PAFAH1B1: variants seen among roughly 807,000 people sequenced by gnomAD.
PAFAH1B1 encodes the protein platelet activating factor acetylhydrolase 1b regulatory subunit 1.
In PAFAH1B1, 2 loss-of-function variants were observed where a neutral mutation model predicts 57.5. The observed-to-expected ratio is 0.03, with a 90% CI of 0.01 to 0.11. The LOEUF (loss-of-function observed/expected upper bound fraction) is 0.11. PAFAH1B1 is among the 10% of genes least tolerant of loss of function. The pLI is 1.00. For missense variants in PAFAH1B1, 257 were observed against 512.0 expected, an observed-to-expected ratio of 0.50 and a Z score of 4.81; for synonymous variants, 152 against 169.6, an observed-to-expected ratio of 0.90 and a Z score of 0.81.
chr17:2,650,728 T>C (rs2068838096), intron 2 of PAFAH1B1, among the ~76,000 whole-genome samples: 2 of 152,016 alleles, frequency 1.3e-5, no homozygotes, highest in East Asian at 1.9e-4. Context: ...TATAGAAATA[T>C]TTTCTTTAAA....
chr17:2,658,358 AAAC>A (rs2151651726), intron 2 of PAFAH1B1, among the ~76,000 whole-genome samples: 1 of 152,336 alleles, frequency 6.6e-6, no homozygotes, highest in Admixed American at 6.5e-5. Context: ...TGGAGGCTGA[AAAC>A]AACTGTTTAG....
chr17:2,665,235 T>A (rs2069090758), intron 2 of PAFAH1B1, 137 bp from the exon 3 acceptor site: 1 of 652,760 alleles, frequency 1.5e-6, no homozygotes, highest in Admixed American at 2.5e-5. Context: ...TCCTTTTTAA[T>A]GAAATACTTG....
At chr17:2,594,123 C>T (rs944728228) in intron 1 of PAFAH1B1, 117 bp downstream of exon 1, 4 of 395,960 alleles carry the variant, frequency 1.0e-5, no homozygotes, top group Non-Finnish European at 1.3e-5. Flanking sequence ...CTCCCATTCT[C>T]CCCTCCCCCT....
chr17:2,646,845 A>G (rs1380549821), intron 2 of PAFAH1B1, among the ~76,000 whole-genome samples: 2 of 152,092 alleles, frequency 1.3e-5, no homozygotes, highest in Non-Finnish European at 2.9e-5. Context: ...AATCTTAAGG[A>G]CCATTTGCTT....
At chr17:2,681,671 A>G (rs1398522231) in intron 10 of PAFAH1B1, 58 bp from the exon 11 acceptor site, 18 of 1,340,196 alleles carry the variant, frequency 1.3e-5, no homozygotes, top group Admixed American at 1.8e-5. Flanking sequence ...GGGTCTCACT[A>G]TGTTTGTTGT....
intron 1 of PAFAH1B1, among the ~76,000 whole-genome samples, chr17:2,596,021 T>G (rs2068080865): frequency 1.3e-5 from 2 of 152,200 alleles, no homozygotes; most frequent in Admixed American, 1.3e-4. Flanking sequence ...TTATTTGATA[T>G]GAATGGTTGC....
At chr17:2,664,934 C>T (rs1038997564) in intron 2 of PAFAH1B1, among the ~76,000 whole-genome samples, 3 of 151,900 alleles carry the variant, frequency 2.0e-5, no homozygotes, top group African/African-American at 7.3e-5. Flanking sequence ...TTAGTTTTCT[C>T]AAAACTTTTC....
At chr17:2,653,601 C>G (rs965673145) in intron 2 of PAFAH1B1, among the ~76,000 whole-genome samples, 1 of 152,012 alleles carries the variant, frequency 6.6e-6, no homozygotes, top group African/African-American at 2.4e-5. Flanking sequence ...TGTTTAAATC[C>G]AGGGACTGTT....
At chr17:2,607,209 C>T (rs942561664) in intron 1 of PAFAH1B1, among the ~76,000 whole-genome samples, 1 of 152,036 alleles carries the variant, frequency 6.6e-6, no homozygotes, top group South Asian at 2.1e-4. Flanking sequence ...GAGTCTTGCT[C>T]TGTCACCAGA....
chr17:2,656,938 T>G (rs2068943683), intron 2 of PAFAH1B1, among the ~76,000 whole-genome samples: 1 of 152,330 alleles, frequency 6.6e-6, no homozygotes, highest in Admixed American at 6.5e-5. Flanking sequence ...AGTTTTTTTT[T>G]TGAGACAGAG....
chr17:2,631,604 G>A (rs750198720), intron 1 of PAFAH1B1, among the ~76,000 whole-genome samples: 3 of 152,114 alleles, frequency 2.0e-5, no homozygotes, highest in East Asian at 1.9e-4. Context: ...GACTGCAAAC[G>A]GACCTTCAGC....
chr17:2,669,022 A>G (rs957667692), intron 5 of PAFAH1B1, among the ~76,000 whole-genome samples: 14 of 152,144 alleles, frequency 9.2e-5, no homozygotes, highest in South Asian at 2.1e-4. Flanking sequence ...CTATTAAATA[A>G]GAATTCCCAG....
At chr17:2,630,322 A>G (rs1174264454) in intron 1 of PAFAH1B1, among the ~76,000 whole-genome samples, 1 of 152,192 alleles carries the variant, frequency 6.6e-6, no homozygotes, top group African/African-American at 2.4e-5. Context: ...GAATTCTCTC[A>G]GCATTTGTTT....
chr17:2,675,206 T>C (rs2069244216), intron 8 of PAFAH1B1, among the ~76,000 whole-genome samples: 1 of 152,136 alleles, frequency 6.6e-6, no homozygotes, highest in South Asian at 2.1e-4. Flanking sequence ...TTTTGCCATG[T>C]TGGCCAGGCT....
At chr17:2,639,675 C>G (rs1235568746) in intron 2 of PAFAH1B1, 2 of 152,054 alleles carry the variant, frequency 1.3e-5, no homozygotes, top group East Asian at 1.9e-4. Flanking sequence ...CGGCTCACTG[C>G]AACCTCCGCT....
chr17:2,626,566 C>T lies in PAFAH1B1; in HGVS notation c.-190-11533C>T, dbSNP rs1004353345. Among the ~76,000 whole-genome samples, 16 of 68,592 alleles carry T rather than the reference C, an allele frequency of 2.3e-4. 3 individuals are homozygous for T. The South Asian group carries it at 2.8e-3, about 12-fold the overall frequency. 45.0% of individuals were successfully genotyped at this position (68,592 alleles called of 152,430 possible). On this transcript the variant is annotated intron_variant, in intron 1 of 10. Transcript: ENST00000397195. ...CATCACCTTTCTTCCCCCCCCCCCC[C>T]CCCCCGAGGCGGAGTCTTGTTCTGT...
At position 2,663,701 on chromosome 17, in the gene PAFAH1B1, AT is replaced by A. The variant is rs11396911; in HGVS notation, c.33-1657del. ...AGGTGGTAGTGCTAAAATTCTCTGG[AT>A]TTTTTTTTTTTTTGAGACAGAGTTT... On this transcript the variant is annotated intron_variant, in intron 2 of 10. Coordinates refer to ENST00000397195, the MANE Select transcript of PAFAH1B1 (RefSeq NM_000430.4). Among the ~76,000 whole-genome samples the A allele has an allele frequency of 3.4e-3, 500 of 146,346 alleles. 2 individuals carry two copies. The highest frequency in any genetic ancestry group is 0.011 in the African/African-American group (435 of 39,820).
intron 1 of PAFAH1B1, among the ~76,000 whole-genome samples, chr17:2,622,464 A>G (rs1213926693): frequency 6.6e-6 from 1 of 152,218 alleles, no homozygotes; most frequent in African/African-American, 2.4e-5. Context: ...TCCAGAATCC[A>G]GCGGGACAGT....
At chr17:2,653,283 G>A (rs1295584490) in intron 2 of PAFAH1B1, among the ~76,000 whole-genome samples, 4 of 152,126 alleles carry the variant, frequency 2.6e-5, no homozygotes, top group African/African-American at 9.7e-5. Context: ...GGTGAGGGGA[G>A]AGGGGAGGGA....
Sources: gnomAD v4.1 joint callset for allele counts (sites outside exome capture counted in the v4.1 genomes callset) on GRCh38, gnomAD v4.1.1 for gene constraint, MANE v1.5 for transcripts, NCBI Gene and HGNC (gene_info 2026-07-23, HGNC 2026-07-21) for gene names.